ERC2: variants seen among roughly 807,000 people sequenced by gnomAD.
The protein encoded by ERC2 is ELKS/RAB6-interacting/CAST family member 2.
In ERC2, 42 loss-of-function variants were observed where a neutral mutation model predicts 114.8. The ratio of observed to expected loss-of-function variants is 0.37; its 90% CI spans 0.29 to 0.47. The LOEUF is 0.47. Among genes scored for constraint, ERC2 ranks in the 20% least tolerant of loss-of-function variants. The probability of loss-of-function intolerance (pLI) is 0.99; values close to 1 mark genes in which losing one functional copy is unlikely to be tolerated. For missense variants in ERC2, 939 were observed against 1,150.7 expected (o/e 0.82, Z 2.66); for synonymous variants, 454 against 425.5 (o/e 1.07, Z -0.82).
intron 2 of ERC2, among the ~76,000 whole-genome samples, chr3:56,413,603 G>A (rs1020416695): frequency 2.0e-5 from 3 of 152,116 alleles, no homozygotes; most frequent in African/African-American, 7.2e-5. Context: ...ACTGGGGAGA[G>A]GAAAAAGAAC....
chr3:55,646,324 T>C (rs1430562385), intron 17 of ERC2, among the ~76,000 whole-genome samples: 1 of 152,210 alleles, frequency 6.6e-6, no homozygotes, highest in Non-Finnish European at 1.5e-5. Context: ...TTTGCTAAAA[T>C]CCATTCAAGA....
intron 3 of ERC2, among the ~76,000 whole-genome samples, chr3:56,248,611 A>T (rs2051889105): frequency 6.6e-6 from 1 of 152,206 alleles, no homozygotes; most frequent in Non-Finnish European, 1.5e-5. Context: ...AATTATGCAA[A>T]CATTTGCACC....
At chr3:55,646,621 T>C (rs1340760879) in intron 17 of ERC2, among the ~76,000 whole-genome samples, 1 of 152,226 alleles carries the variant, frequency 6.6e-6, no homozygotes, top group Non-Finnish European at 1.5e-5. Context: ...TGCTAGGCAT[T>C]TTGTATGCAC....
intron 1 of ERC2, among the ~76,000 whole-genome samples, chr3:56,463,885 G>A (rs2063426941): frequency 6.6e-6 from 1 of 152,192 alleles, no homozygotes; most frequent in Non-Finnish European, 1.5e-5. Flanking sequence ...ACCCACATCA[G>A]AATAAAACTG....
rs529538942 is a variant in ERC2 at position 55,852,941 on chromosome 3, G to A, written c.2564+35448C>T. On this transcript the variant is annotated intron_variant, in intron 14 of 17. Coordinates refer to ENST00000288221, the MANE Select transcript of ERC2 (RefSeq NM_015576.3). ...ACTCTGTTGCAGGAGGCTGTCCTGT[G>A]CACTACAGAATGTTTAGTAGCATCG... Among the ~76,000 whole-genome samples the A allele has an allele frequency of 4.6e-5, 7 of 152,344 alleles. No individual in the cohort carries two copies. The East Asian group carries it at 1.3e-3, about 29-fold the overall frequency.
At chr3:56,169,703 A>C (rs1316721449) in intron 4 of ERC2, among the ~76,000 whole-genome samples, 2 of 152,154 alleles carry the variant, frequency 1.3e-5, no homozygotes, top group African/African-American at 2.4e-5. Context: ...TTTTGACTTC[A>C]GCCACTTTGA....
chr3:56,328,534 T>A (rs1219860420), intron 2 of ERC2, among the ~76,000 whole-genome samples: 1 of 152,198 alleles, frequency 6.6e-6, no homozygotes, highest in Non-Finnish European at 1.5e-5. Context: ...CGGGTATTTT[T>A]AAAATAGTCT....
intron 13 of ERC2, among the ~76,000 whole-genome samples, chr3:55,926,705 A>C (rs2065774097): frequency 6.6e-6 from 1 of 152,138 alleles, no homozygotes; most frequent in African/African-American, 2.4e-5. Flanking sequence ...GAACTCGAGC[A>C]TCATGGCCTC....
intron 6 of ERC2, among the ~76,000 whole-genome samples, chr3:56,119,352 T>G (rs552599571): frequency 1.2e-3 from 179 of 152,342 alleles, no homozygotes; most frequent in African/African-American, 3.9e-3. Context: ...TGAAATTGAC[T>G]TGGGTTCAGA....
intron 17 of ERC2, among the ~76,000 whole-genome samples, chr3:55,542,314 C>T (rs2054451786): frequency 6.6e-6 from 1 of 152,170 alleles, no homozygotes; most frequent in Non-Finnish European, 1.5e-5. Context: ...GTAAATACAT[C>T]TCATCTAGAA....
intron 14 of ERC2, among the ~76,000 whole-genome samples, chr3:55,739,223 T>C (rs905293255): frequency 2.6e-5 from 4 of 152,224 alleles, no homozygotes; most frequent in African/African-American, 9.6e-5. Flanking sequence ...TAAACATACA[T>C]GTGCATGTGT....
chr3:55,931,294 C>T (rs2066066698), intron 13 of ERC2, among the ~76,000 whole-genome samples: 1 of 152,190 alleles, frequency 6.6e-6, no homozygotes, highest in Admixed American at 6.5e-5. Flanking sequence ...TATAAAGACA[C>T]CTGCACATGT....
At chr3:55,518,840 G>T (rs558527726) in intron 17 of ERC2, among the ~76,000 whole-genome samples, 1 of 152,188 alleles carries the variant, frequency 6.6e-6, no homozygotes, top group Non-Finnish European at 1.5e-5. Context: ...AAACACAACC[G>T]ATAGAACAAA....
rs191561651 is a variant in ERC2, at chr3:56,096,206, C to T, written c.1474-15222G>A. On this transcript the variant is annotated intron_variant, in intron 6 of 17. Transcript: ENST00000288221. ...TGATTACCATGATACATTATATATTCTATCATCTACATATGATTAGTAAAT... is the reference window on the plus strand; with the variant it reads ...TGATTACCATGATACATTATATATTTTATCATCTACATATGATTAGTAAAT... Among the ~76,000 whole-genome samples the T allele has an allele frequency of 4.3e-3, 662 of 152,308 alleles. 5 individuals carry two copies. Among genetic ancestry groups the T allele is most frequent in the Non-Finnish European group, 7.0e-3 (474 of 68,034 alleles).
chr3:55,739,658 C>T (rs2065862877), intron 14 of ERC2, among the ~76,000 whole-genome samples: 1 of 151,744 alleles, frequency 6.6e-6, no homozygotes, highest in African/African-American at 2.4e-5. Context: ...GGATATTAGT[C>T]CTTTGTCAGG....
At chr3:55,575,354 G>A (rs1220389967) in intron 17 of ERC2, among the ~76,000 whole-genome samples, 1 of 152,136 alleles carries the variant, frequency 6.6e-6, no homozygotes, top group Non-Finnish European at 1.5e-5. Context: ...CCTCTTCCTG[G>A]TCTGACCACC....
chr3:55,785,181 C>A (rs1289525369), intron 14 of ERC2, among the ~76,000 whole-genome samples: 2 of 152,190 alleles, frequency 1.3e-5, no homozygotes, highest in African/African-American at 2.4e-5. Context: ...CAAGATAATT[C>A]AGGGTACACA....
At chr3:55,802,453 CACAA>C (rs1184294302) in intron 14 of ERC2, among the ~76,000 whole-genome samples, 4 of 152,140 alleles carry the variant, frequency 2.6e-5, no homozygotes, top group Non-Finnish European at 5.9e-5. Context: ...TTTTTATAAG[CACAA>C]ACCTATTAGA....
intron 13 of ERC2, among the ~76,000 whole-genome samples, chr3:55,943,625 T>C (rs377339606): frequency 1.3e-5 from 2 of 152,174 alleles, no homozygotes; most frequent in East Asian, 1.9e-4. Context: ...AAAATAAAGA[T>C]AGATAAACTG....
Sources: gnomAD v4.1 joint callset for allele counts (sites outside exome capture counted in the v4.1 genomes callset) on GRCh38, gnomAD v4.1.1 for gene constraint, MANE v1.5 for transcripts, NCBI Gene and HGNC (gene_info 2026-07-23, HGNC 2026-07-21) for gene names.